CAST: variants seen among roughly 807,000 people sequenced by gnomAD.
CAST encodes the protein MIR583 host.
In CAST, 76 loss-of-function variants were observed where a neutral mutation model predicts 119.6. That is an observed-to-expected ratio of 0.64 (90% confidence interval 0.53 to 0.77). CAST has a LOEUF of 0.77. CAST is among the 30% of genes least tolerant of loss of function. The pLI is 0.00. For missense variants in CAST, 953 were observed against 946.5 expected (o/e 1.01, Z -0.09); for synonymous variants, 319 against 331.6 (o/e 0.96, Z 0.41).
the CAST span, among the ~76,000 whole-genome samples, chr5:96,282,172 G>A: frequency 4.6e-5 from 7 of 151,842 alleles, no homozygotes; most frequent in African/African-American, 1.5e-4. Flanking sequence ...GTGTGTTGGC[G>A]GGGTGGGGGT....
the CAST span, among the ~76,000 whole-genome samples, chr5:96,017,004 T>C: frequency 2.6e-5 from 4 of 151,834 alleles, no homozygotes; most frequent in African/African-American, 9.7e-5. Flanking sequence ...GCACAGCTAA[T>C]TTTTTGTATT....
At chr5:96,768,546 C>T in intron 29 of CAST, 1 of 360,648 alleles carries the variant, frequency 2.8e-6, no homozygotes, top group South Asian at 2.3e-5. Flanking sequence ...ACTTACAGTC[C>T]ACTTATAAAA....
chr5:96,741,659 A>G (rs147736395), intron 15 of CAST, 79 bp downstream of exon 15: 2 of 905,166 alleles, frequency 2.2e-6, no homozygotes, highest in African/African-American at 3.3e-5. Flanking sequence ...AGTAGCACAT[A>G]ACCCATGATG....
the CAST span, among the ~76,000 whole-genome samples, chr5:96,328,148 A>G: frequency 4.7e-4 from 72 of 152,180 alleles, no homozygotes; most frequent in Non-Finnish European, 1.6e-4. Context: ...TGACGATTAA[A>G]GATCCCAGGT....
chr5:96,253,412 T>C, the CAST span, among the ~76,000 whole-genome samples: 1 of 152,104 alleles, frequency 6.6e-6, no homozygotes, highest in African/African-American at 2.4e-5. Context: ...GACCCAGGCG[T>C]TGGTATTGTT....
chr5:96,497,259 A>T, the CAST span, among the ~76,000 whole-genome samples: 9 of 151,978 alleles, frequency 5.9e-5, no homozygotes, highest in Admixed American at 6.6e-5. Context: ...CCAGTTTATC[A>T]TTGTTGGACA....
intron 1 of CAST, among the ~76,000 whole-genome samples, chr5:96,552,410 T>C (rs1351728293): frequency 6.6e-6 from 1 of 152,102 alleles, no homozygotes; most frequent in Non-Finnish European, 1.5e-5. Context: ...CTGGGAAACA[T>C]TGAAAGCAGT....
intron 4 of CAST, among the ~76,000 whole-genome samples, chr5:96,725,915 T>A (rs149346132): frequency 6.6e-6 from 1 of 152,336 alleles, no homozygotes; most frequent in East Asian, 1.9e-4. Flanking sequence ...TAAAAACATT[T>A]CAATCATAAG....
intron 25 of CAST, among the ~76,000 whole-genome samples, chr5:96,763,637 A>G: frequency 6.6e-6 from 1 of 152,248 alleles, no homozygotes; most frequent in East Asian, 1.9e-4. Flanking sequence ...TGTCACTAAA[A>G]CAAGGTATAA....
the CAST span, among the ~76,000 whole-genome samples, chr5:96,401,907 C>G: frequency 6.6e-6 from 1 of 152,116 alleles, no homozygotes; most frequent in Non-Finnish European, 1.5e-5. Flanking sequence ...CTAACTAGCC[C>G]CAAATATAAT....
At chr5:96,529,603 A>G (rs1745654327), upstream of CAST, among the ~76,000 whole-genome samples, 1 of 152,132 alleles carries the variant, frequency 6.6e-6, no homozygotes, top group African/African-American at 2.4e-5. Context: ...ACCCATTTAT[A>G]TGGTTCGGTT....
At chr5:96,505,090 C>T in the CAST span, among the ~76,000 whole-genome samples, 2 of 152,144 alleles carry the variant, frequency 1.3e-5, no homozygotes, top group African/African-American at 4.8e-5. Context: ...TGTGTGGACA[C>T]ATGTTTACAT....
intron 1 of CAST, among the ~76,000 whole-genome samples, chr5:96,644,931 G>A (rs1226880448): frequency 2.0e-5 from 3 of 152,076 alleles, no homozygotes; most frequent in South Asian, 2.1e-4. Context: ...AGCCAAGATC[G>A]GGCCACTGCA....
At chr5:96,720,073 G>A (rs1329852788) in intron 3 of CAST, among the ~76,000 whole-genome samples, 5 of 152,028 alleles carry the variant, frequency 3.3e-5, no homozygotes, top group African/African-American at 7.2e-5. Context: ...GCTTTCATAC[G>A]GGCAGGGACA....
the CAST span, chr5:95,973,464 A>T: frequency 6.6e-6 from 1 of 151,044 alleles, no homozygotes; most frequent in South Asian, 2.1e-4. Context: ...GTATGAGCAG[A>T]GTAGGGTCTG....
the CAST span, among the ~76,000 whole-genome samples, chr5:96,384,128 T>A: frequency 6.6e-6 from 1 of 152,118 alleles, no homozygotes; most frequent in Non-Finnish European, 1.5e-5. Flanking sequence ...AGAGGAGGTA[T>A]CTCTTCTCTG....
chr5:96,146,531 C>T, the CAST span, among the ~76,000 whole-genome samples: 4 of 152,344 alleles, frequency 2.6e-5, no homozygotes, highest in Non-Finnish European at 5.9e-5. Context: ...ACTTTGAGAA[C>T]CACTGCTTTA....
At chr5:96,021,108 GTAT>G in the CAST span, among the ~76,000 whole-genome samples, 1 of 152,010 alleles carries the variant, frequency 6.6e-6, no homozygotes, top group Admixed American at 6.5e-5. Flanking sequence ...TTTATATGAA[GTAT>G]TAGAAATACA....
At chr5:96,745,311 A>G (rs745576555) in intron 16 of CAST, among the ~76,000 whole-genome samples, 1 of 152,244 alleles carries the variant, frequency 6.6e-6, no homozygotes, top group Non-Finnish European at 1.5e-5. Context: ...TGGTCCATTA[A>G]AAGTGCTCAA....
Sources: allele counts gnomAD v4.1 joint callset (sites outside exome capture counted in the v4.1 genomes callset), GRCh38; gene constraint gnomAD v4.1.1; transcripts MANE v1.5; gene names NCBI Gene and HGNC (gene_info 2026-07-23, HGNC 2026-07-21).